Variants in IFT122 observed in about 807,000 individuals in gnomAD.
IFT122 encodes intraflagellar transport 122, also known as intraflagellar transport protein 122 homolog.
Under a neutral mutation model 161.6 loss-of-function variants are expected in IFT122, and 118 were observed. The ratio of observed to expected loss-of-function variants is 0.73; its 90% CI spans 0.63 to 0.85. The LOEUF (loss-of-function observed/expected upper bound fraction) is 0.85, where lower values mean the gene tolerates loss of function less well. Ranked by LOEUF, IFT122 falls within the 40% of genes least tolerant of loss-of-function variation. IFT122 has a pLI of 0.00. For missense variants in IFT122, 1,381 were observed against 1,579.6 expected (o/e 0.87, Z 2.13); for synonymous variants, 550 against 602.4 (o/e 0.91, Z 1.27).
In IFT122 at chr3:129,488,316, T is replaced by C. The variant is rs775787009; in HGVS notation, c.1911T>C (p.Ala637=). ...RKLFKEAYQI[A]CLGVTDTDWR... ...TGTTCAAGGAAGCCTACCAGATTGC[T>C]TGCTTGGGTGTCACAGACACTGATT... The change falls in exon 16 of 30, where the codon GCT becomes GCC. Residue 637 remains alanine (A), a synonymous_variant. Transcript: ENST00000348417. The C allele has an allele frequency of 5.6e-6, 9 of 1,613,964 alleles. No individual in the cohort carries two copies. The highest frequency in any genetic ancestry group is 7.6e-6 in the Non-Finnish European group (9 of 1,179,778).
intron 4 of IFT122, among the ~76,000 whole-genome samples, chr3:129,459,978 G>A (rs1219859008): frequency 6.6e-6 from 1 of 151,488 alleles, no homozygotes; most frequent in Non-Finnish European, 1.5e-5. Flanking sequence ...GCCTGTACTG[G>A]TCTTGAACTC....
rs139008392 is a variant in IFT122, at chr3:129,466,995, C to T, written c.669C>T (p.Tyr223=). Residue 223 remains tyrosine (Y), a synonymous_variant, in exon 8 of 30, where the codon TAC becomes TAT. Coordinates refer to ENST00000348417, the MANE Select transcript of IFT122 (RefSeq NM_052989.3). ...EIPSTLKSAV[Y]SSQGSEAEEE... ...CTTCCACTCTGAAGTCAGCAGTGTACAGTAGTCAGGGTAGTGAGGCAGAGG... is the reference window on the plus strand; with the variant it reads ...CTTCCACTCTGAAGTCAGCAGTGTATAGTAGTCAGGGTAGTGAGGCAGAGG... The T allele has an allele frequency of 6.3e-5, 102 of 1,613,976 alleles. No individual in the cohort carries two copies. Among genetic ancestry groups the T allele is most frequent in the Non-Finnish European group, 7.1e-5 (84 of 1,179,976 alleles).
intron 11 of IFT122, 102 bp downstream of exon 11, chr3:129,476,903 C>T (rs1360655235): frequency 1.7e-5 from 24 of 1,411,476 alleles, no homozygotes; most frequent in African/African-American, 1.0e-4. Context: ...TTCTCTTTGG[C>T]GTTTTGCAAA....
At chr3:129,499,829 C>T (rs1398329155) in intron 18 of IFT122, 73 bp from the exon 19 acceptor site, 1 of 1,586,490 alleles carries the variant, frequency 6.3e-7, no homozygotes, top group Admixed American at 1.7e-5. Flanking sequence ...GCCCTTGCTG[C>T]TAGAAAAGCC....
intron 9 of IFT122, chr3:129,476,066 C>T (rs906233957): frequency 5.2e-5 from 28 of 535,234 alleles, no homozygotes; most frequent in African/African-American, 4.8e-4. Context: ...TCCTGGAGCA[C>T]TTGGGTGGGA....
rs548615542 is a variant in IFT122, at chr3:129,502,200, T to C, written c.2376-511T>C. Reference sequence around the variant, plus strand: ...CAGGCCCCACACTCACCTCTTCCTTTAGAGGGCAGTCATTGAGGTATTCTT... The same window carrying C: ...CAGGCCCCACACTCACCTCTTCCTTCAGAGGGCAGTCATTGAGGTATTCTT... On this transcript the variant is annotated intron_variant, in intron 19 of 29. Transcript: ENST00000348417. Among the ~76,000 whole-genome samples the C allele has an allele frequency of 6.6e-5, 10 of 152,358 alleles. No homozygotes were observed. The East Asian group carries it at 1.5e-3, about 24-fold the overall frequency.
chr3:129,517,125 C>G (rs2083984522), intron 26 of IFT122, among the ~76,000 whole-genome samples: 1 of 148,186 alleles, frequency 6.7e-6, no homozygotes, highest in Non-Finnish European at 1.5e-5. Context: ...ACCGCTCCTG[C>G]ACACACACAT....
chr3:129,483,381 A>G, intron 14 of IFT122, 104 bp from the exon 15 acceptor site: 2 of 955,340 alleles, frequency 2.1e-6, no homozygotes, highest in East Asian at 2.4e-5. Context: ...ACTGTAAGCA[A>G]TTTAGTGGGA....
chr3:129,487,053 G>T (rs1251492431), intron 15 of IFT122, among the ~76,000 whole-genome samples: 1 of 152,170 alleles, frequency 6.6e-6, no homozygotes, highest in Non-Finnish European at 1.5e-5. Context: ...TAAAAAATGG[G>T]ACTGGAAATT....
chr3:129,489,491 TA>T lies in IFT122; in HGVS notation c.1992+1095del, dbSNP rs1353710261. 2.6e-5 allele frequency among the ~76,000 whole-genome samples: 4 copies of T among 152,302 alleles called. No homozygotes were observed. In the East Asian group the frequency reaches 7.7e-4, roughly 29 times the overall value. On this transcript the variant is annotated intron_variant, in intron 16 of 29. Transcript: ENST00000348417. ...ATCGTTGTGTAACAATGATCTAGAT[TA>T]TATTTTTAGATGTCCTCAGTGTAGG...
intron 18 of IFT122, among the ~76,000 whole-genome samples, chr3:129,496,874 A>G (rs147162880): frequency 1.3e-5 from 2 of 152,178 alleles, no homozygotes; most frequent in Non-Finnish European, 2.9e-5. Context: ...GCTTCCGGGG[A>G]TAACAAAATT....
Position 129,481,101 on chromosome 3 carries a change from T to C in IFT122, c.1489-429T>C, listed in dbSNP as rs2078584453. The stretch of plus-strand genomic sequence containing the variant: ...TTTTTAAACCAGGGATATCAGTAAA[T>C]GATAGCTATCATGATCACTATCATC... On this transcript the variant is annotated intron_variant, in intron 13 of 29. Transcript: ENST00000348417. Among the ~76,000 whole-genome samples, 4 of 152,216 alleles carry C rather than the reference T, an allele frequency of 2.6e-5. No homozygotes were observed. The South Asian group carries it at 8.3e-4, about 32-fold the overall frequency.
At chr3:129,509,161 G>A (rs1195721183) in intron 23 of IFT122, among the ~76,000 whole-genome samples, 6 of 152,160 alleles carry the variant, frequency 3.9e-5, no homozygotes, top group African/African-American at 1.4e-4. Context: ...GAAATGTTTT[G>A]TTGTTGTTGC....
intron 3 of IFT122, among the ~76,000 whole-genome samples, chr3:129,456,833 T>C (rs1004641849): frequency 6.6e-6 from 1 of 152,172 alleles, no homozygotes; most frequent in Non-Finnish European, 1.5e-5. Context: ...GGATAATCGC[T>C]TGAACCCGGG....
chr3:129,445,127 A>G (rs938799369), intron 1 of IFT122, among the ~76,000 whole-genome samples: 4 of 152,042 alleles, frequency 2.6e-5, no homozygotes, highest in Non-Finnish European at 4.4e-5. Context: ...GGAGTTCGAG[A>G]CCAGCCTGGC....
intron 9 of IFT122, among the ~76,000 whole-genome samples, chr3:129,471,920 C>G (rs1467922803): frequency 2.0e-5 from 3 of 152,108 alleles, no homozygotes; most frequent in African/African-American, 7.2e-5. Context: ...CAAGGATTAA[C>G]TCTTTTAATC....
intron 25 of IFT122, chr3:129,515,206 A>G (rs1163322636): frequency 3.6e-6 from 2 of 560,762 alleles, no homozygotes; most frequent in African/African-American, 1.9e-5. Context: ...TAATGGTGGC[A>G]GCGGCCACTG....
intron 16 of IFT122, among the ~76,000 whole-genome samples, 189 bp from the exon 17 acceptor site, chr3:129,491,952 C>G (rs187403699): frequency 6.6e-6 from 1 of 152,272 alleles, no homozygotes; most frequent in East Asian, 1.9e-4. Flanking sequence ...ATGGTCCAAT[C>G]CCATGGATAA....
chr3:129,462,039 T>A (rs184098537), intron 5 of IFT122, among the ~76,000 whole-genome samples: 91 of 152,348 alleles, frequency 6.0e-4, no homozygotes, highest in Non-Finnish European at 1.1e-3. Context: ...CTCTCAGTGT[T>A]CCAGTTCCCT....
Sources: allele counts gnomAD v4.1 joint callset (sites outside exome capture counted in the v4.1 genomes callset), GRCh38; gene constraint gnomAD v4.1.1; transcripts MANE v1.5; gene names NCBI Gene and HGNC (gene_info 2026-07-23, HGNC 2026-07-21).